The following LHPP variants were observed in gnomAD, a reference collection of about 807,000 sequenced individuals.
The protein encoded by LHPP is hLHPP.
A neutral mutation model predicts 30.3 loss-of-function variants in LHPP; 24 were observed. That is an observed-to-expected ratio of 0.79 (90% CI 0.57 to 1.11). The LOEUF (loss-of-function observed/expected upper bound fraction) is 1.11, where lower values mean the gene tolerates loss of function less well. Ranked by LOEUF, LHPP falls within the 50% of genes most tolerant of loss-of-function variation. LHPP has a pLI of 0.00. For missense variants in LHPP, 356 were observed against 367.2 expected, an observed-to-expected ratio of 0.97 and a Z score of 0.25; for synonymous variants, 150 against 157.1, an observed-to-expected ratio of 0.95 and a Z score of 0.34.
At position 124,517,389 on chromosome 10, in the gene LHPP, G is replaced by A. The variant is rs983079288; in HGVS notation, c.716+118G>A. On this transcript the variant is annotated intron_variant, in intron 6 of 6. Transcript: ENST00000368842. The surrounding 1 kb of genome is among the most constrained non-coding windows in gnomAD (Gnocchi z 4.1). ...TTTCCAAATCAAAGAGCAGTATGTG[G>A]GCATTCACTATCTTGTATGTAATGG... 1 of 645,124 alleles carries A rather than the reference G, an allele frequency of 1.6e-6. No individual in the cohort carries two copies. Among genetic ancestry groups the A allele is most frequent in the Non-Finnish European group, 2.5e-6 (1 of 392,862 alleles). 40.0% of individuals were successfully genotyped at this position (645,124 alleles called of 1,614,324 possible).
At chr10:124,498,825 C>A in intron 5 of LHPP, 4 of 378,126 alleles carry the variant, frequency 1.1e-5, no homozygotes, top group South Asian at 5.6e-5. Context: ...GGCCCCCCCC[C>A]CGCCAACCCC....
chr10:124,531,183 T>C (rs962134500), intron 6 of LHPP, among the ~76,000 whole-genome samples: 4 of 152,140 alleles, frequency 2.6e-5, no homozygotes, highest in Non-Finnish European at 2.9e-5. Context: ...AATTCCAGAG[T>C]CCTCCCAATT....
chr10:124,569,395 T>A (rs571330437), intron 6 of LHPP, among the ~76,000 whole-genome samples: 1 of 152,338 alleles, frequency 6.6e-6, no homozygotes, highest in South Asian at 2.1e-4. Flanking sequence ...ACAGAGCTGC[T>A]GTCTCTTCCA....
intron 5 of LHPP, among the ~76,000 whole-genome samples, chr10:124,508,672 C>T (rs1332789842): frequency 1.3e-5 from 2 of 151,224 alleles, no homozygotes; most frequent in African/African-American, 4.9e-5. Flanking sequence ...AACTCATGCT[C>T]ATTAAAGGAG....
At chr10:124,569,139 C>T (rs1379427981) in intron 6 of LHPP, among the ~76,000 whole-genome samples, 1 of 152,150 alleles carries the variant, frequency 6.6e-6, no homozygotes, top group Admixed American at 6.5e-5. Context: ...CTCATTCCTG[C>T]GGGTAAGGCC....
intron 2 of LHPP, among the ~76,000 whole-genome samples, chr10:124,487,885 A>T (rs1953387626): frequency 6.6e-6 from 1 of 152,236 alleles, no homozygotes; most frequent in Non-Finnish European, 1.5e-5. Flanking sequence ...ATGGGGGAAG[A>T]CAAAGAAGGA....
intron 6 of LHPP, among the ~76,000 whole-genome samples, chr10:124,583,717 C>T (rs1300113631): frequency 6.6e-6 from 1 of 152,134 alleles, no homozygotes; most frequent in African/African-American, 2.4e-5. Flanking sequence ...CTCACTATCG[C>T]AAATATGGCA....
intron 5 of LHPP, among the ~76,000 whole-genome samples, chr10:124,511,278 T>C (rs1954286724): frequency 1.3e-5 from 2 of 152,226 alleles, no homozygotes; most frequent in Non-Finnish European, 2.9e-5. Flanking sequence ...ATCTCTCACT[T>C]ACCATAATAG....
At chr10:124,504,006 A>T (rs977583157) in intron 5 of LHPP, among the ~76,000 whole-genome samples, 1 of 152,158 alleles carries the variant, frequency 6.6e-6, no homozygotes, top group African/African-American at 2.4e-5. Flanking sequence ...AGCCTGGCCA[A>T]CATGGCAAAA....
chr10:124,507,055 CAGGTGTAG>C (rs1564797434), intron 5 of LHPP, among the ~76,000 whole-genome samples: 7 of 14,482 alleles, frequency 4.8e-4, no homozygotes, highest in Non-Finnish European at 7.0e-4. Context: ...GGGAGGATTT[CAGGTGTAG>C]GGGTAGACAG....
At chr10:124,471,935 A>C (rs1453810184) in intron 1 of LHPP, among the ~76,000 whole-genome samples, 1 of 151,208 alleles carries the variant, frequency 6.6e-6, no homozygotes, top group African/African-American at 2.4e-5. Flanking sequence ...TGTCTAGCTC[A>C]GAATGGAATA....
chr10:124,551,442 T>G (rs191714264), intron 6 of LHPP, among the ~76,000 whole-genome samples: 2 of 152,236 alleles, frequency 1.3e-5, no homozygotes, highest in East Asian at 3.9e-4. Context: ...TTGCTCACGC[T>G]GCCTGCTCTG....
At chr10:124,513,676 G>T (rs1420170485) in intron 5 of LHPP, among the ~76,000 whole-genome samples, 1 of 149,980 alleles carries the variant, frequency 6.7e-6, no homozygotes, top group African/African-American at 2.5e-5. Context: ...GGCTGGTCTC[G>T]AACTCCTGAC....
intron 6 of LHPP, chr10:124,605,461 A>C (rs969057889): frequency 2.6e-5 from 4 of 152,342 alleles, no homozygotes; most frequent in Admixed American, 2.0e-4. Context: ...CTGCATGCTC[A>C]GAAGAGAGAG....
At chr10:124,570,007 T>C (rs1386436561) in intron 6 of LHPP, among the ~76,000 whole-genome samples, 2 of 151,572 alleles carry the variant, frequency 1.3e-5, no homozygotes, top group African/African-American at 2.4e-5. Context: ...AGTGTAGAGC[T>C]CACCCGGCCA....
chr10:124,517,256 G>A lies in LHPP; in HGVS notation c.701G>A (p.Arg234His), dbSNP rs1361592111. The change falls in exon 6 of 7, where the codon CGC (arginine) becomes CAC (histidine). Residue 234 changes from arginine (R) to histidine (H), a missense_variant. Coordinates refer to ENST00000368842, the MANE Select transcript of LHPP (RefSeq NM_022126.4). This position sits in a 1 kb window ranked among gnomAD's most constrained non-coding sequence, Gnocchi z 4.1. ...TGTGGAATGAGAGCGCTGCAGGTGC[G>A]CACCGGGAAGTTCAGGTCAGTGCCA... ...QRCGMRALQV[R>H]TGKFRPSDEH... is the part of the protein sequence containing the mutation. 2.5e-6 allele frequency: 4 copies of A among 1,596,496 alleles called. No individual in the cohort carries two copies. Among genetic ancestry groups the A allele is most frequent in the South Asian group, 1.1e-5 (1 of 88,076 alleles).
At chr10:124,503,266 A>T (rs1589802521) in intron 5 of LHPP, among the ~76,000 whole-genome samples, 1 of 151,284 alleles carries the variant, frequency 6.6e-6, no homozygotes, top group African/African-American at 2.4e-5. Context: ...GGGTTTCTCC[A>T]TGTTGGTCAG....
At chr10:124,505,614 C>T (rs1954039617) in intron 5 of LHPP, among the ~76,000 whole-genome samples, 1 of 152,184 alleles carries the variant, frequency 6.6e-6, no homozygotes, top group Non-Finnish European at 1.5e-5. Flanking sequence ...TTCTAGGATT[C>T]AGTAATAAGG....
chr10:124,607,792 A>C (rs897594099), intron 6 of LHPP, among the ~76,000 whole-genome samples: 1 of 152,130 alleles, frequency 6.6e-6, no homozygotes, highest in Admixed American at 6.5e-5. Context: ...GTGGGGAGAA[A>C]AGTTGGAAAT....
Sources: allele counts gnomAD v4.1 joint callset (sites outside exome capture counted in the v4.1 genomes callset), GRCh38; gene constraint gnomAD v4.1.1; non-coding constraint Gnocchi (gnomAD v3.1); transcripts MANE v1.5; gene names NCBI Gene and HGNC (gene_info 2026-07-23, HGNC 2026-07-21).